FADS6: variants seen among roughly 807,000 people sequenced by gnomAD.
FADS6 encodes fatty acid desaturase 6.
In FADS6, 28 loss-of-function variants were observed where a neutral mutation model predicts 31.7. The observed-to-expected ratio is 0.88, with a 90% CI of 0.66 to 1.21. The LOEUF (loss-of-function observed/expected upper bound fraction) is 1.21, where lower values mean the gene tolerates loss of function less well. Ranked by LOEUF, FADS6 falls within the 50% of genes most tolerant of loss-of-function variation. FADS6 has a pLI of 0.00. For missense variants in FADS6, 494 were observed against 504.2 expected (o/e 0.98, Z 0.19); for synonymous variants, 191 against 213.1 (o/e 0.90, Z 0.90).
At chr17:74,884,736 C>A (rs962986390) in intron 2 of FADS6, among the ~76,000 whole-genome samples, 2 of 151,800 alleles carry the variant, frequency 1.3e-5, no homozygotes, top group Admixed American at 6.6e-5. Flanking sequence ...TTTTCCGAGT[C>A]TTGCTCTCTT....
At position 74,892,636 on chromosome 17, in the gene FADS6, T is replaced by C; in HGVS notation, c.298A>G (p.Ile100Val). 6.2e-7 allele frequency: 1 copy of C among 1,613,424 alleles called. No homozygotes were observed. Among genetic ancestry groups the C allele is most frequent in the Non-Finnish European group, 8.5e-7 (1 of 1,179,644 alleles). The change falls in exon 2 of 6, where the codon ATC becomes GTC. Residue 100 changes from isoleucine (I) to valine (V), a missense_variant. Coordinates refer to ENST00000612771, the MANE Select transcript of FADS6 (RefSeq NM_178128.6). ...AGTGTGTAGTGGCACACACCCAAGA[T>C]GGTGATGCCGGATGCAAAGACCAGG... ...NALVFASGIT[I>V]LGVCHYTLTV...
intron 2 of FADS6, among the ~76,000 whole-genome samples, chr17:74,891,183 G>T (rs2038684463): frequency 6.8e-6 from 1 of 147,672 alleles, no homozygotes; most frequent in Admixed American, 6.8e-5. Context: ...GATTACAGGT[G>T]CGTGCCACCA....
chr17:74,881,043 G>A (rs1305135541), intron 4 of FADS6, 25 bp downstream of exon 4: 11 of 1,600,722 alleles, frequency 6.9e-6, no homozygotes, highest in Non-Finnish European at 9.4e-6. Flanking sequence ...TAGCTGCCCA[G>A]CGCCCCAGGT....
At chr17:74,886,238 C>CAA (rs550950451) in intron 2 of FADS6, among the ~76,000 whole-genome samples, 941 of 42,112 alleles carry the variant, frequency 0.022, 30 homozygotes, top group African/African-American at 0.075. Context: ...GATTCCATCT[C>CAA]AAAAAAAAAA....
chr17:74,888,169 C>G (rs1249700233), intron 2 of FADS6, among the ~76,000 whole-genome samples: 1 of 144,116 alleles, frequency 6.9e-6, no homozygotes, highest in Non-Finnish European at 1.5e-5. Flanking sequence ...CGCGCGCGCG[C>G]GCGCAGAGTA....
intron 1 of FADS6, among the ~76,000 whole-genome samples, 167 bp from the exon 2 acceptor site, chr17:74,892,856 C>G (rs1203165320): frequency 6.6e-6 from 1 of 152,178 alleles, no homozygotes; most frequent in Non-Finnish European, 1.5e-5. Context: ...GGAACCAGGA[C>G]TGCCCCTCCA....
At chr17:74,880,665 A>C (rs1323727837) in intron 4 of FADS6, among the ~76,000 whole-genome samples, 1 of 152,156 alleles carries the variant, frequency 6.6e-6, no homozygotes, top group Non-Finnish European at 1.5e-5. Flanking sequence ...TTCTTCCCTG[A>C]AACCAAAACT....
downstream of FADS6, among the ~76,000 whole-genome samples, chr17:74,875,133 C>T (rs1452561447): frequency 6.6e-6 from 1 of 152,200 alleles, no homozygotes; most frequent in East Asian, 1.9e-4. Flanking sequence ...AGTCAGACAA[C>T]ATTGGGTCTG....
chr17:74,875,820 G>C (rs141968571), downstream of FADS6, among the ~76,000 whole-genome samples: 2 of 152,320 alleles, frequency 1.3e-5, no homozygotes, highest in Non-Finnish European at 2.9e-5. Flanking sequence ...CGTGCCAAGA[G>C]GGCTGCCTGG....
intron 2 of FADS6, among the ~76,000 whole-genome samples, chr17:74,883,491 C>CAAT (rs2038594791): frequency 6.6e-6 from 1 of 152,124 alleles, no homozygotes; most frequent in Non-Finnish European, 1.5e-5. Context: ...AAAAGTTTCC[C>CAAT]AATACCAGTC....
At position 74,877,445 on chromosome 17, in the gene FADS6, T is replaced by G. The variant is rs2038517317; in HGVS notation, c.*886A>C. 6.5e-6 allele frequency: 1 copy of G among 153,312 alleles called. No homozygotes were observed. Among genetic ancestry groups the G allele is most frequent in the South Asian group, 2.1e-4 (1 of 4,842 alleles). The allele number at this position is 153,312 out of a possible 1,614,324, so 9.5% of individuals were successfully genotyped here. A position where few individuals can be genotyped will look rare whatever the true frequency, so the allele number is the denominator to read the frequency against. On this transcript the variant is annotated 3_prime_UTR_variant, in exon 6 of 6. Coordinates refer to ENST00000612771, the MANE Select transcript of FADS6 (RefSeq NM_178128.6). ...ACCTCCCGGGTTCAGGTGATTCTTC[T>G]GCCTCAGCCTGCCAAGTAGCTGGGA... is the stretch of plus-strand genomic sequence containing the variant.
intron 5 of FADS6, 73 bp downstream of exon 5, chr17:74,879,331 A>C: frequency 3.9e-6 from 6 of 1,550,478 alleles, no homozygotes; most frequent in Non-Finnish European, 5.3e-6. Context: ...CAACGCCCCC[A>C]GGCCGAAGAA....
At position 74,877,765 on chromosome 17, in the gene FADS6, T is replaced by C. The variant is rs1005755436; in HGVS notation, c.*566A>G. Reference sequence around the variant, plus strand: ...GTGGCCTGGGGAACTGCTGAGCCAGTGTCTTGCACAGGTTCCTTTGGCTGA... The same window carrying C: ...GTGGCCTGGGGAACTGCTGAGCCAGCGTCTTGCACAGGTTCCTTTGGCTGA... On this transcript the variant is annotated 3_prime_UTR_variant, in exon 6 of 6. Coordinates refer to ENST00000612771, the MANE Select transcript of FADS6 (RefSeq NM_178128.6). The C allele has an allele frequency of 1.2e-4, 118 of 985,488 alleles. No homozygotes were observed. The highest frequency in any genetic ancestry group is 1.4e-4 in the Non-Finnish European group (118 of 830,068). 61.0% of individuals were successfully genotyped at this position (985,488 alleles called of 1,614,324 possible).
rs1598554683 is a variant in FADS6 at position 74,881,053 on chromosome 17, T to C, written c.780+15A>G. 1 of 1,607,250 alleles carries C rather than the reference T, an allele frequency of 6.2e-7. No homozygotes were observed. The highest frequency in any genetic ancestry group is 8.5e-7 in the Non-Finnish European group (1 of 1,176,482). On this transcript the variant is annotated intron_variant, in intron 4 of 5. Transcript: ENST00000612771. ...CCCCTTAGCTGCCCAGCGCCCCAGGTTGGGGTGGCCTCACCTGGAAGATGT... is the reference window on the plus strand; with the variant it reads ...CCCCTTAGCTGCCCAGCGCCCCAGGCTGGGGTGGCCTCACCTGGAAGATGT...
In FADS6 at chr17:74,892,202, C is replaced by A. The variant is rs182664876; in HGVS notation, c.411+321G>T. ...TGTGGACACTGGGCCCCTCCTCCCC[C>A]TCCCTTTCTGTCTGTGGGTCACATT... On this transcript the variant is annotated intron_variant, in intron 2 of 5. Transcript: ENST00000612771. Among the ~76,000 whole-genome samples, 293 of 152,316 alleles carry A rather than the reference C, an allele frequency of 1.9e-3. 2 individuals carry two copies. The highest frequency in any genetic ancestry group is 1.2e-3 in the Non-Finnish European group (81 of 68,022).
rs1379969582 is a variant in FADS6 at position 74,892,661 on chromosome 17, G to A, written c.273C>T (p.Ala91=). The stretch of plus-strand genomic sequence containing the variant: ...TGGTGATGCCGGATGCAAAGACCAG[G>A]GCATTCTCCCAGCGCAGGCACAGGA... ...AGFLCLRWEN[A]LVFASGITIL... Residue 91 remains alanine (A), a synonymous_variant, in exon 2 of 6, where the codon GCC becomes GCT. Transcript: ENST00000612771. The A allele has an allele frequency of 6.2e-7, 1 of 1,612,986 alleles. No individual in the cohort carries two copies. Among genetic ancestry groups the A allele is most frequent in the Admixed American group, 1.7e-5 (1 of 59,938 alleles).
At position 74,882,794 on chromosome 17, in the gene FADS6, C is replaced by A. The variant is rs771426227; in HGVS notation, c.412-84G>T. ...AGGACCTTTGAGAGCCCGGAGAACA[C>A]CCCCACCTCCTCAAACCCTGCATGT... is the stretch of plus-strand genomic sequence containing the variant. On this transcript the variant is annotated intron_variant, in intron 2 of 5. Transcript: ENST00000612771. 24 of 1,540,266 alleles carry A rather than the reference C, an allele frequency of 1.6e-5. No homozygotes were observed. In the African/African-American group the frequency reaches 2.6e-4, roughly 17 times the overall value.
At chr17:74,877,087 G>A (rs1053292302), downstream of FADS6, among the ~76,000 whole-genome samples, 4 of 151,912 alleles carry the variant, frequency 2.6e-5, no homozygotes, top group African/African-American at 9.7e-5. Context: ...GCCCTGCCCA[G>A]CCCTGACTTC....
rs112280222 is a variant in FADS6, at chr17:74,888,430, C to G, written c.411+4093G>C. ...GTAGTTGAACTTAGGCAACAGCTCT[C>G]GAGGTTTGCGTGGGAACAGGCAGAG... On this transcript the variant is annotated intron_variant, in intron 2 of 5. Coordinates refer to ENST00000612771, the MANE Select transcript of FADS6 (RefSeq NM_178128.6). Among the ~76,000 whole-genome samples the G allele has an allele frequency of 2.6e-4, 39 of 152,218 alleles. 1 individual carries two copies. The highest frequency in any genetic ancestry group is 9.1e-4 in the African/African-American group (38 of 41,538).
Sources: gnomAD v4.1 joint callset for allele counts (sites outside exome capture counted in the v4.1 genomes callset) on GRCh38, gnomAD v4.1.1 for gene constraint, MANE v1.5 for transcripts, NCBI Gene and HGNC (gene_info 2026-07-23, HGNC 2026-07-21) for gene names.